The following SLC16A12 variants were observed in gnomAD, a reference collection of about 807,000 sequenced individuals.
SLC16A12 encodes the protein monocarboxylate transporter 12.
A neutral mutation model predicts 42.4 loss-of-function variants in SLC16A12; 17 were observed. The ratio of observed to expected loss-of-function variants is 0.40; its 90% CI spans 0.27 to 0.60. The LOEUF (loss-of-function observed/expected upper bound fraction) is 0.60, where lower values mean the gene tolerates loss of function less well. Among genes scored for constraint, SLC16A12 ranks in the 20% least tolerant of loss-of-function variants. The pLI, the probability that SLC16A12 is intolerant of heterozygous loss-of-function variation, is 0.42. For missense variants in SLC16A12, 544 were observed against 623.0 expected, an observed-to-expected ratio of 0.87 and a Z score of 1.35; for synonymous variants, 224 against 229.4, an observed-to-expected ratio of 0.98 and a Z score of 0.21.
chr10:89,450,334 A>T (rs1842074230), intron 3 of SLC16A12, among the ~76,000 whole-genome samples: 1 of 152,258 alleles, frequency 6.6e-6, no homozygotes, highest in Non-Finnish European at 1.5e-5. Flanking sequence ...GGCACTATTC[A>T]CAATAGGAAA....
intron 2 of SLC16A12, among the ~76,000 whole-genome samples, chr10:89,513,214 T>C (rs963736894): frequency 3.9e-5 from 6 of 152,202 alleles, no homozygotes; most frequent in Admixed American, 2.0e-4. Context: ...TCTATATTGC[T>C]CTTTTCACAT....
At chr10:89,476,219 G>A (rs1252884437) in intron 2 of SLC16A12, among the ~76,000 whole-genome samples, 3 of 152,128 alleles carry the variant, frequency 2.0e-5, no homozygotes, top group Admixed American at 2.0e-4. Flanking sequence ...AGGAGAACCT[G>A]GGAGTTTGAG....
chr10:89,451,379 A>T (rs113680934), intron 3 of SLC16A12, among the ~76,000 whole-genome samples: 3 of 152,186 alleles, frequency 2.0e-5, no homozygotes, highest in African/African-American at 7.2e-5. Flanking sequence ...ACTTAGAAGC[A>T]TGAAACTTGA....
At chr10:89,539,715 T>A (rs1843699618), upstream of SLC16A12, among the ~76,000 whole-genome samples, 6 of 152,306 alleles carry the variant, frequency 3.9e-5, no homozygotes, top group South Asian at 1.0e-3. Flanking sequence ...GAAATTTTGT[T>A]CTCATGACTA....
rs1841699154 is a variant in SLC16A12 at position 89,431,761 on chromosome 10, G to A, written c.*1303C>T. Reference sequence around the variant, plus strand: ...TAAAATGGTTGGAAACAAGCTGGGGGATCTGGACTTTTTCTTCCCTCCATG... The same window carrying A: ...TAAAATGGTTGGAAACAAGCTGGGGAATCTGGACTTTTTCTTCCCTCCATG... On this transcript the variant is annotated 3_prime_UTR_variant, in exon 8 of 8. Coordinates refer to ENST00000371790, the MANE Select transcript of SLC16A12 (RefSeq NM_213606.4). The A allele has an allele frequency of 6.6e-6, 1 of 152,216 alleles. No individual in the cohort carries two copies. Among genetic ancestry groups the A allele is most frequent in the South Asian group, 2.1e-4 (1 of 4,836 alleles). The allele number at this position is 152,216 out of a possible 1,614,324, so 9.4% of individuals were successfully genotyped here. A position where few individuals can be genotyped will look rare whatever the true frequency, so the allele number is the denominator to read the frequency against.
rs748902342 is a variant in SLC16A12 at position 89,441,090 on chromosome 10, G to A, written c.448+18C>T. On this transcript the variant is annotated intron_variant, in intron 5 of 7. Coordinates refer to ENST00000371790, the MANE Select transcript of SLC16A12 (RefSeq NM_213606.4). ...CTGAATGGAGTGGGGTGAGACAGGT[G>A]GTACAAAGTGCCCTTACCTGTAAGA... The A allele has an allele frequency of 3.1e-6, 5 of 1,613,520 alleles. No homozygotes were observed. The South Asian group carries it at 3.3e-5, about 11-fold the overall frequency.
chr10:89,487,672 C>T (rs967458693), intron 2 of SLC16A12, among the ~76,000 whole-genome samples: 50 of 149,836 alleles, frequency 3.3e-4, no homozygotes, highest in Admixed American at 2.9e-3. Flanking sequence ...ATTAGCTGGG[C>T]GTGGTGGTGC....
At chr10:89,522,261 C>T (rs1480020358) in intron 2 of SLC16A12, among the ~76,000 whole-genome samples, 1 of 152,226 alleles carries the variant, frequency 6.6e-6, no homozygotes, top group Non-Finnish European at 1.5e-5. Flanking sequence ...ACATCTCCAA[C>T]ACCCTAACTC....
At chr10:89,474,424 C>T (rs1403742499) in intron 2 of SLC16A12, among the ~76,000 whole-genome samples, 1 of 152,202 alleles carries the variant, frequency 6.6e-6, no homozygotes, top group Non-Finnish European at 1.5e-5. Context: ...GTTCTGCCTT[C>T]ACCAGGGAGA....
At chr10:89,479,353 T>C (rs577071835) in intron 2 of SLC16A12, among the ~76,000 whole-genome samples, 47 of 152,310 alleles carry the variant, frequency 3.1e-4, no homozygotes, top group African/African-American at 1.1e-3. Context: ...GAAGCTTATC[T>C]TCCTCAGCAA....
intron 2 of SLC16A12, among the ~76,000 whole-genome samples, chr10:89,501,203 C>G (rs965381639): frequency 6.6e-6 from 1 of 152,158 alleles, no homozygotes; most frequent in Non-Finnish European, 1.5e-5. Flanking sequence ...TGGGTAGAAT[C>G]AATATTGTGA....
chr10:89,486,702 AAAAG>A (rs1313490700), intron 2 of SLC16A12, among the ~76,000 whole-genome samples: 37 of 135,284 alleles, frequency 2.7e-4, no homozygotes, highest in African/African-American at 1.0e-3. Context: ...AAGAAAAGAA[AAAAG>A]AAAGAAAGAA....
At chr10:89,474,726 G>C (rs1416746356) in intron 2 of SLC16A12, among the ~76,000 whole-genome samples, 2 of 152,150 alleles carry the variant, frequency 1.3e-5, no homozygotes, top group Non-Finnish European at 2.9e-5. Context: ...AGTAATAACA[G>C]TAACAATGAT....
chr10:89,552,635 A>T lies in SLC16A12; in HGVS notation c.-47+3247T>A, dbSNP rs545828793. On this transcript the variant is annotated intron_variant, in intron 2 of 2. Transcript: ENST00000475682. ...GCTTCTGGCTCTTCAATTCCAGCTA[A>T]GCCAATTCAACTCAACTAAACAGTT... is the stretch of plus-strand genomic sequence containing the variant. Among the ~76,000 whole-genome samples the T allele has an allele frequency of 1.2e-4, 18 of 152,320 alleles. No individual in the cohort carries two copies. In the South Asian group the frequency reaches 3.7e-3, roughly 32 times the overall value.
At chr10:89,501,522 A>G (rs904594396) in intron 2 of SLC16A12, among the ~76,000 whole-genome samples, 1 of 152,236 alleles carries the variant, frequency 6.6e-6, no homozygotes, top group Non-Finnish European at 1.5e-5. Context: ...CAGCCAACTG[A>G]TCTTTGACAA....
chr10:89,510,972 TA>T (rs886255908), intron 2 of SLC16A12, among the ~76,000 whole-genome samples: 1 of 152,048 alleles, frequency 6.6e-6, no homozygotes, highest in African/African-American at 2.4e-5. Flanking sequence ...AACAAACTTA[TA>T]AAAAAATACT....
At chr10:89,541,115 A>G (rs1420671765) in intron 2 of SLC16A12, among the ~76,000 whole-genome samples, 1 of 150,704 alleles carries the variant, frequency 6.6e-6, no homozygotes, top group Non-Finnish European at 1.5e-5. Flanking sequence ...TTTAGTAGAG[A>G]GGGGGTTTCA....
At chr10:89,509,831 T>C (rs998234518) in intron 2 of SLC16A12, among the ~76,000 whole-genome samples, 1 of 152,164 alleles carries the variant, frequency 6.6e-6, no homozygotes, top group East Asian at 1.9e-4. Flanking sequence ...TAATTGTATA[T>C]TTAGAAAACC....
chr10:89,472,402 T>A (rs1254726899), intron 2 of SLC16A12, among the ~76,000 whole-genome samples: 1 of 152,052 alleles, frequency 6.6e-6, no homozygotes, highest in Admixed American at 6.5e-5. Context: ...CATATCTACT[T>A]AAGTTAGTTG....
Sources: allele counts gnomAD v4.1 joint callset (sites outside exome capture counted in the v4.1 genomes callset), GRCh38; gene constraint gnomAD v4.1.1; transcripts MANE v1.5; gene names NCBI Gene and HGNC (gene_info 2026-07-23, HGNC 2026-07-21).